Variants in THRB observed in about 807,000 individuals in gnomAD.
THRB encodes the protein nuclear receptor subfamily 1 group A member 2.
Under a neutral mutation model 47.8 loss-of-function variants are expected in THRB, and 12 were observed. The observed-to-expected ratio is 0.25, with a 90% CI of 0.16 to 0.41. The LOEUF (loss-of-function observed/expected upper bound fraction) is 0.41. THRB is among the 10% of genes least tolerant of loss of function. The pLI, the probability that THRB is intolerant of heterozygous loss-of-function variation, is 1.00. For synonymous variants in THRB, 218 were observed against 212.2 expected (o/e 1.03, Z -0.24); for missense variants, 348 against 589.2 (o/e 0.59, Z 4.24).
intron 1 of THRB, among the ~76,000 whole-genome samples, chr3:24,462,456 C>T (rs1027462651): frequency 6.6e-6 from 1 of 152,212 alleles, no homozygotes; most frequent in African/African-American, 2.4e-5. Flanking sequence ...CTATTACTCA[C>T]GGCATTTCAG....
intron 1 of THRB, among the ~76,000 whole-genome samples, chr3:24,369,867 C>T (rs2064774799): frequency 6.6e-6 from 1 of 152,274 alleles, no homozygotes; most frequent in South Asian, 2.1e-4. Context: ...AAGACACAAC[C>T]TGTACCAAAA....
In THRB at chr3:24,184,411, C is replaced by T. The variant is rs114378558; in HGVS notation, c.283+5663G>A. Among the ~76,000 whole-genome samples, 116 of 152,310 alleles carry T rather than the reference C, an allele frequency of 7.6e-4. 3 individuals carry two copies. Among genetic ancestry groups the T allele is most frequent in the Admixed American group, 2.9e-3 (45 of 15,298 alleles). ...ACACTGTTCAGTTGGCCTTGGAAAG[C>T]GTGGGGTGGTCCATCCTCTGCTCTG... On this transcript the variant is annotated intron_variant, in intron 5 of 10. Coordinates refer to ENST00000646209, the MANE Select transcript of THRB (RefSeq NM_001354712.2).
intron 1 of THRB, among the ~76,000 whole-genome samples, chr3:24,364,960 A>G (rs567665969): frequency 2.0e-5 from 3 of 152,302 alleles, no homozygotes; most frequent in Admixed American, 2.0e-4. Flanking sequence ...GCTTTTTCAT[A>G]TCAGAATGCC....
chr3:24,434,692 T>C (rs910556711), intron 1 of THRB, among the ~76,000 whole-genome samples: 2 of 152,134 alleles, frequency 1.3e-5, no homozygotes, highest in Admixed American at 6.5e-5. Context: ...AAAACTTCCT[T>C]CACAAGAGGG....
rs1576161986 is a variant in THRB, at chr3:24,233,460, A to T, written c.-42-4459T>A. Among the ~76,000 whole-genome samples the T allele has an allele frequency of 1.3e-5, 2 of 151,638 alleles. 1 individual carries two copies. The highest frequency in any genetic ancestry group is 4.2e-4 in the South Asian group (2 of 4,764). ...CAACATAGTGAGACCCTGTCTCAAA[A>T]AAAAGGAAAGAAAGAAATAAGAAAA... is the stretch of plus-strand genomic sequence containing the variant. On this transcript the variant is annotated intron_variant, in intron 3 of 10. Coordinates refer to ENST00000646209, the MANE Select transcript of THRB (RefSeq NM_001354712.2).
intron 6 of THRB, among the ~76,000 whole-genome samples, chr3:24,150,883 T>C (rs763498956): frequency 7.2e-5 from 11 of 152,120 alleles, no homozygotes; most frequent in Non-Finnish European, 1.5e-4. Flanking sequence ...GTTTGAATTA[T>C]CGAACTTTTG....
intron 1 of THRB, among the ~76,000 whole-genome samples, chr3:24,481,339 T>C (rs1002923366): frequency 2.0e-5 from 3 of 149,736 alleles, no homozygotes; most frequent in South Asian, 2.1e-4. Context: ...GCCTTGTAAG[T>C]GTATATTCTG....
At position 24,178,824 on chromosome 3, in the gene THRB, A is replaced by G. The variant is rs561342448; in HGVS notation, c.283+11250T>C. On this transcript the variant is annotated intron_variant, in intron 5 of 10. Transcript: ENST00000646209. ...CGTCAAAGGGTACATAATTTCAGTT[A>G]GATATTGCTAAAATGTTCTCACCAC... Among the ~76,000 whole-genome samples, 13 of 152,316 alleles carry G rather than the reference A, an allele frequency of 8.5e-5. No homozygotes were observed. The East Asian group carries it at 1.9e-3, about 23-fold the overall frequency.
intron 2 of THRB, among the ~76,000 whole-genome samples, chr3:24,308,256 AATG>A: frequency 1.3e-5 from 2 of 152,354 alleles, no homozygotes; most frequent in Admixed American, 1.3e-4. Context: ...GTATTAAAAT[AATG>A]ATATTATCAA....
intron 2 of THRB, among the ~76,000 whole-genome samples, chr3:24,330,750 C>T (rs2061871570): frequency 6.6e-6 from 1 of 152,172 alleles, no homozygotes; most frequent in Non-Finnish European, 1.5e-5. Flanking sequence ...ACCAAACCTG[C>T]CCCTCTCCAG....
At chr3:24,236,892 G>C (rs1001470662) in intron 3 of THRB, among the ~76,000 whole-genome samples, 3 of 152,092 alleles carry the variant, frequency 2.0e-5, no homozygotes, top group Admixed American at 6.5e-5. Context: ...AATAATGGTT[G>C]AATTTCTCAT....
Position 24,214,721 on chromosome 3 carries a change from G to C in THRB, c.22+14217C>G, listed in dbSNP as rs910812638. Among the ~76,000 whole-genome samples, 16 of 152,240 alleles carry C rather than the reference G, an allele frequency of 1.1e-4. No individual in the cohort carries two copies. In the South Asian group the frequency reaches 3.3e-3, roughly 32 times the overall value. On this transcript the variant is annotated intron_variant, in intron 4 of 10. Coordinates refer to ENST00000646209, the MANE Select transcript of THRB (RefSeq NM_001354712.2). ...TGCCCTTCTGGTCCTCAGGAAGCCT[G>C]CAACCTGGCCTGCAACCAGAGATGG... is the stretch of plus-strand genomic sequence containing the variant.
chr3:24,485,967 T>C (rs761008033), intron 1 of THRB, among the ~76,000 whole-genome samples: 1 of 152,190 alleles, frequency 6.6e-6, no homozygotes, highest in African/African-American at 2.4e-5. Flanking sequence ...ACTGAACACA[T>C]GCAATGAAGC....
At chr3:24,256,070 G>C (rs940911037) in intron 3 of THRB, among the ~76,000 whole-genome samples, 7 of 152,188 alleles carry the variant, frequency 4.6e-5, no homozygotes, top group African/African-American at 1.7e-4. Context: ...GCTAGTGAGA[G>C]AGTCTGAGGA....
chr3:24,202,646 T>C (rs773343044), intron 4 of THRB, among the ~76,000 whole-genome samples: 1 of 152,186 alleles, frequency 6.6e-6, no homozygotes, highest in Admixed American at 6.5e-5. Flanking sequence ...AAGGATAATT[T>C]TGAGTTTATG....
chr3:24,128,656 C>T (rs575780294), intron 9 of THRB, among the ~76,000 whole-genome samples: 2 of 151,476 alleles, frequency 1.3e-5, no homozygotes, highest in Non-Finnish European at 2.9e-5. Flanking sequence ...CCCAGATTTC[C>T]ATGCATCACC....
chr3:24,128,478 T>C (rs908437268), intron 9 of THRB, among the ~76,000 whole-genome samples: 4 of 152,206 alleles, frequency 2.6e-5, no homozygotes, highest in African/African-American at 9.7e-5. Context: ...ACCCTGTTAG[T>C]TAAGATTTGT....
At position 24,171,463 on chromosome 3, in the gene THRB, A is replaced by G. The variant is rs368350443; in HGVS notation, c.283+18611T>C. Among the ~76,000 whole-genome samples the G allele has an allele frequency of 1.6e-4, 25 of 152,278 alleles. No homozygotes were observed. The East Asian group carries it at 4.4e-3, about 27-fold the overall frequency. ...TTTTATGTTTTCTTAGGATCCTAGG[A>G]TATTACAGCAGGAACTTCTGAGCTA... On this transcript the variant is annotated intron_variant, in intron 5 of 10. Transcript: ENST00000646209.
intron 3 of THRB, among the ~76,000 whole-genome samples, chr3:24,271,599 C>T (rs982531118): frequency 1.3e-5 from 2 of 152,070 alleles, no homozygotes; most frequent in Non-Finnish European, 2.9e-5. Context: ...AAATACACCC[C>T]CCTGGGCCCT....
Sources: gnomAD v4.1 joint callset for allele counts (sites outside exome capture counted in the v4.1 genomes callset) on GRCh38, gnomAD v4.1.1 for gene constraint, MANE v1.5 for transcripts, NCBI Gene and HGNC (gene_info 2026-07-23, HGNC 2026-07-21) for gene names.